The following NR2C1 variants were observed in gnomAD, a reference collection of about 807,000 sequenced individuals.
The protein encoded by NR2C1 is TR2 nuclear hormone receptor.
NR2C1 carries 33 observed loss-of-function variants against 74.8 expected under a neutral mutation model. That is an observed-to-expected ratio of 0.44 (90% confidence interval 0.33 to 0.59). The LOEUF is 0.59. Ranked by LOEUF, NR2C1 falls within the 20% of genes least tolerant of loss-of-function variation. The pLI is 0.02. For missense variants in NR2C1, 568 were observed against 715.6 expected, an observed-to-expected ratio of 0.79 and a Z score of 2.35; for synonymous variants, 225 against 240.6, an observed-to-expected ratio of 0.94 and a Z score of 0.60.
At chr12:95,047,307 T>G (rs1042105984) in intron 9 of NR2C1, among the ~76,000 whole-genome samples, 2 of 152,228 alleles carry the variant, frequency 1.3e-5, no homozygotes, top group Admixed American at 6.5e-5. Context: ...TTTTTTAGAA[T>G]GATACTGATT....
Position 95,051,906 on chromosome 12 carries a change from T to C in NR2C1, c.821A>G (p.Asn274Ser), listed in dbSNP as rs139729590. ...AAGATTCGCTAATGATGTAACCACA[T>C]TGGCCAATGTACTTAAATCTCCCTG... ...SCQGDLSTLA[N>S]VVTSLANLGK... Residue 274 changes from asparagine (N) to serine (S), a missense_variant, in exon 8 of 14, where the codon AAT (asparagine) becomes AGT (serine). Coordinates refer to ENST00000333003, the MANE Select transcript of NR2C1 (RefSeq NM_003297.4). 35 of 1,601,734 alleles carry C rather than the reference T, an allele frequency of 2.2e-5. No homozygotes were observed. The highest frequency in any genetic ancestry group is 1.9e-4 in the African/African-American group (14 of 74,030).
chr12:95,037,144 A>T lies in NR2C1; in HGVS notation c.1253+3332T>A, dbSNP rs796504873. Among the ~76,000 whole-genome samples the T allele has an allele frequency of 9.8e-5, 15 of 152,314 alleles. 1 individual carries two copies. The highest frequency in any genetic ancestry group is 3.6e-4 in the African/African-American group (15 of 41,574). On this transcript the variant is annotated intron_variant, in intron 10 of 13. Coordinates refer to ENST00000333003, the MANE Select transcript of NR2C1 (RefSeq NM_003297.4). Reference sequence around the variant, plus strand: ...CGGTGGTGGCTTGGAGCTTTTGGTTATATTTTAAGAATCTAGGTAGAGATG... The same window carrying T: ...CGGTGGTGGCTTGGAGCTTTTGGTTTTATTTTAAGAATCTAGGTAGAGATG...
At position 95,057,660 on chromosome 12, in the gene NR2C1, C is replaced by G; in HGVS notation, c.693-17G>C. 6.2e-7 allele frequency: 1 copy of G among 1,612,882 alleles called. No homozygotes were observed. The highest frequency in any genetic ancestry group is 8.5e-7 in the Non-Finnish European group (1 of 1,179,572). ...CCTGTTGACCTGTAACAAATCAGCA[C>G]AAATTTTGGCCTGAGTTTCATTGGG... is the stretch of plus-strand genomic sequence containing the variant. On this transcript the variant is annotated splice_polypyrimidine_tract_variant and intron_variant, in intron 6 of 13. Transcript: ENST00000333003.
chr12:95,023,061 G>A (rs1198628733), intron 13 of NR2C1, among the ~76,000 whole-genome samples: 2 of 151,966 alleles, frequency 1.3e-5, no homozygotes, highest in African/African-American at 4.8e-5. Flanking sequence ...GGAGGCTGAG[G>A]TGGGCAGATC....
At chr12:95,063,667 CCT>C (rs1565874304) in intron 2 of NR2C1, among the ~76,000 whole-genome samples, 1 of 139,310 alleles carries the variant, frequency 7.2e-6, no homozygotes, top group Non-Finnish European at 1.6e-5. Flanking sequence ...ACAGTGAGAC[CCT>C]GTCTCAAAAA....
At chr12:95,051,647 T>C in intron 8 of NR2C1, 115 bp downstream of exon 8, 1 of 852,972 alleles carries the variant, frequency 1.2e-6, no homozygotes, top group South Asian at 1.8e-5. Flanking sequence ...ATTTAGATAA[T>C]CAACCTGTAT....
At chr12:95,049,031 ACAC>A in intron 9 of NR2C1, 34 bp downstream of exon 9, 2 of 1,575,366 alleles carry the variant, frequency 1.3e-6, no homozygotes, top group Non-Finnish European at 1.7e-6. Context: ...AAATCAAGCA[ACAC>A]AACATACAAG....
chr12:95,053,263 C>A (rs1440535984), intron 7 of NR2C1, among the ~76,000 whole-genome samples: 1 of 151,930 alleles, frequency 6.6e-6, no homozygotes, highest in Non-Finnish European at 1.5e-5. Flanking sequence ...CATGAGCCAC[C>A]GTGCCCGGCT....
chr12:95,036,751 T>C (rs1870899768), intron 10 of NR2C1, among the ~76,000 whole-genome samples: 1 of 152,162 alleles, frequency 6.6e-6, no homozygotes, highest in African/African-American at 2.4e-5. Context: ...CCTCAAGTGA[T>C]CCGCCTGCTT....
At chr12:95,062,127 A>T (rs1014165986) in intron 3 of NR2C1, among the ~76,000 whole-genome samples, 2 of 152,224 alleles carry the variant, frequency 1.3e-5, no homozygotes, top group African/African-American at 4.8e-5. Flanking sequence ...TTTCCTAATT[A>T]TGAAGTAGGA....
intron 9 of NR2C1, among the ~76,000 whole-genome samples, chr12:95,043,099 A>G (rs921417275): frequency 1.3e-5 from 2 of 152,008 alleles, no homozygotes; most frequent in Non-Finnish European, 1.5e-5. Flanking sequence ...CCTCATCTCT[A>G]AAAATAAAAA....
chr12:95,021,921 T>C lies in NR2C1; in HGVS notation c.*308A>G, dbSNP rs1868817738. 5.5e-6 allele frequency: 1 copy of C among 183,192 alleles called. No individual in the cohort carries two copies. The highest frequency in any genetic ancestry group is 2.4e-5 in the African/African-American group (1 of 42,552). The allele number at this position is 183,192 out of a possible 1,614,324, so 11.3% of individuals were successfully genotyped here. A position where few individuals can be genotyped will look rare whatever the true frequency, so the allele number is the denominator to read the frequency against. On this transcript the variant is annotated 3_prime_UTR_variant, in exon 14 of 14. Coordinates refer to ENST00000333003, the MANE Select transcript of NR2C1 (RefSeq NM_003297.4). ...AGAAAAAAGAGACTAATTTATTTGT[T>C]TTATAAAATAGAATGAGCGCTTAGT...
At chr12:95,035,644 CAAAAGAAA>C (rs1296451162) in intron 10 of NR2C1, among the ~76,000 whole-genome samples, 1 of 151,958 alleles carries the variant, frequency 6.6e-6, no homozygotes, top group African/African-American at 2.4e-5. Context: ...ATTGTGTTTC[CAAAAGAAA>C]AGGGAAAAGG....
intron 2 of NR2C1, among the ~76,000 whole-genome samples, chr12:95,065,517 TG>T (rs1284882555): frequency 1.3e-5 from 2 of 152,164 alleles, no homozygotes; most frequent in Non-Finnish European, 2.9e-5. Context: ...GTATTATCTT[TG>T]GGGTACGTGA....
chr12:95,069,030 T>A (rs962771268), intron 1 of NR2C1, among the ~76,000 whole-genome samples: 1 of 152,038 alleles, frequency 6.6e-6, no homozygotes, highest in African/African-American at 2.4e-5. Context: ...ATGGATCCAA[T>A]AAGTACCTCC....
intron 1 of NR2C1, among the ~76,000 whole-genome samples, chr12:95,068,620 C>T (rs1565879823): frequency 1.3e-5 from 2 of 152,180 alleles, no homozygotes; most frequent in African/African-American, 2.4e-5. Context: ...CATGGTGAAA[C>T]GCCATCTCTA....
At position 95,040,379 on chromosome 12, in the gene NR2C1, T is replaced by C. The variant is rs966522386; in HGVS notation, c.1253+97A>G. ...TTAAAGCTATAATGTTATACTGTTT[T>C]TTCCTTTAATGCAAATCTTCCCAAA... On this transcript the variant is annotated intron_variant, in intron 10 of 13. Coordinates refer to ENST00000333003, the MANE Select transcript of NR2C1 (RefSeq NM_003297.4). 2.7e-5 allele frequency: 32 copies of C among 1,202,810 alleles called. No individual in the cohort carries two copies. The Admixed American group carries it at 8.0e-4, about 30-fold the overall frequency. 74.5% of individuals were successfully genotyped at this position (1,202,810 alleles called of 1,614,324 possible). A position where few individuals can be genotyped will look rare whatever the true frequency, so the allele number is the denominator to read the frequency against.
intron 11 of NR2C1, among the ~76,000 whole-genome samples, chr12:95,029,317 G>A (rs1410450561): frequency 1.3e-5 from 2 of 152,096 alleles, no homozygotes; most frequent in East Asian, 3.9e-4. Context: ...CTGACCTCAA[G>A]TGATCTGCCT....
intron 8 of NR2C1, among the ~76,000 whole-genome samples, chr12:95,050,911 G>C (rs1050460296): frequency 2.6e-5 from 4 of 152,040 alleles, no homozygotes; most frequent in African/African-American, 9.7e-5. Flanking sequence ...TTCATCACTA[G>C]AAATTGAGGA....
Sources: gnomAD v4.1 joint callset for allele counts (sites outside exome capture counted in the v4.1 genomes callset) on GRCh38, gnomAD v4.1.1 for gene constraint, MANE v1.5 for transcripts, NCBI Gene and HGNC (gene_info 2026-07-23, HGNC 2026-07-21) for gene names.